The following MYOM2 variants were observed in gnomAD, a reference collection of about 807,000 sequenced individuals.
The protein encoded by MYOM2 is myomesin-2.
A neutral mutation model predicts 187.6 loss-of-function variants in MYOM2; 254 were observed. That is an observed-to-expected ratio of 1.35 (90% CI 1.22 to 1.50). MYOM2 has a LOEUF of 1.50. Ranked by LOEUF, MYOM2 falls within the 40% of genes most tolerant of loss-of-function variation. MYOM2 has a pLI of 0.00. For synonymous variants in MYOM2, 981 were observed against 753.8 expected, an observed-to-expected ratio of 1.30 and a Z score of -4.94; for missense variants, 2,796 against 1,924.0, an observed-to-expected ratio of 1.45 and a Z score of -8.48.
intron 28 of MYOM2, among the ~76,000 whole-genome samples, chr8:2,120,689 A>ATATATATATTAT: frequency 1.2e-4 from 5 of 42,408 alleles, no homozygotes; most frequent in African/African-American, 3.8e-4. Context: ...ATTATATATA[A>ATATATATATTAT]ATATATAATA....
At chr8:2,143,966 C>G (rs773934695) in intron 36 of MYOM2, among the ~76,000 whole-genome samples, 2 of 152,214 alleles carry the variant, frequency 1.3e-5, no homozygotes, top group Non-Finnish European at 2.9e-5. Context: ...AATTTGTTGC[C>G]TGTCGGGAGA....
intron 32 of MYOM2, among the ~76,000 whole-genome samples, chr8:2,132,037 C>T (rs913308567): frequency 6.6e-6 from 1 of 152,144 alleles, no homozygotes; most frequent in African/African-American, 2.4e-5. Flanking sequence ...ATTAGGTAGT[C>T]ATCATGTATG....
intron 23 of MYOM2, among the ~76,000 whole-genome samples, chr8:2,108,262 TA>T (rs1190941276): frequency 1.3e-5 from 2 of 151,812 alleles, no homozygotes; most frequent in African/African-American, 4.8e-5. Context: ...TTTATTTATT[TA>T]TTTTTTTTGT....
In MYOM2 at chr8:2,145,203, C is replaced by T. The variant is rs1433011330; in HGVS notation, c.*222C>T. ...CAAGACTGAACAACGTGTATTTACA[C>T]GAGGGTAGACGGCAGATGCCTGACA... On this transcript the variant is annotated 3_prime_UTR_variant, in exon 37 of 37. Coordinates refer to ENST00000262113, the MANE Select transcript of MYOM2 (RefSeq NM_003970.4). 12 of 594,448 alleles carry T rather than the reference C, an allele frequency of 2.0e-5. No homozygotes were observed. Among genetic ancestry groups the T allele is most frequent in the African/African-American group, 7.5e-5 (4 of 53,556 alleles). 36.8% of individuals were successfully genotyped at this position (594,448 alleles called of 1,614,324 possible). A position where few individuals can be genotyped will look rare whatever the true frequency, so the allele number is the denominator to read the frequency against.
rs1798390799 is a variant in MYOM2 at position 2,144,612 on chromosome 8, T to C, written c.4081-52T>C. The C allele has an allele frequency of 8.8e-6, 14 of 1,587,776 alleles. No homozygotes were observed. The South Asian group carries it at 1.4e-4, about 16-fold the overall frequency. ...GAGCCCACCGTCCGAGGGGGTGACA[T>C]GACTTTCCTTTTTCTAACTCTTCCT... On this transcript the variant is annotated intron_variant, in intron 36 of 36. Coordinates refer to ENST00000262113, the MANE Select transcript of MYOM2 (RefSeq NM_003970.4).
intron 21 of MYOM2, 144 bp from the exon 22 acceptor site, chr8:2,106,098 C>T: frequency 1.3e-6 from 1 of 786,072 alleles, no homozygotes; most frequent in South Asian, 1.8e-5. Flanking sequence ...GATCCAATCA[C>T]CTCACTCCCT....
At chr8:2,054,689 G>C (rs939124739) in intron 3 of MYOM2, among the ~76,000 whole-genome samples, 1 of 152,218 alleles carries the variant, frequency 6.6e-6, no homozygotes, top group Non-Finnish European at 1.5e-5. Context: ...AAAGTAAACG[G>C]TGTCAAGAGA....
At position 2,129,601 on chromosome 8, in the gene MYOM2, C is replaced by T. The variant is rs968774753; in HGVS notation, c.3800+369C>T. Among the ~76,000 whole-genome samples, 9 of 151,854 alleles carry T rather than the reference C, an allele frequency of 5.9e-5. 1 individual carries two copies. In the South Asian group the frequency reaches 8.3e-4, roughly 14 times the overall value. On this transcript the variant is annotated intron_variant, in intron 32 of 36. Coordinates refer to ENST00000262113, the MANE Select transcript of MYOM2 (RefSeq NM_003970.4). ...CCAAATTTCCAGTCAGTTGGTTTCC[C>T]GCTAGACTTGATTAAAAGTACCAAA...
rs780684749 is a variant in MYOM2, at chr8:2,057,622, G to T, written c.403-1G>T. 6.2e-7 allele frequency: 1 copy of T among 1,614,102 alleles called. No individual in the cohort carries two copies. Among genetic ancestry groups the T allele is most frequent in the South Asian group, 1.1e-5 (1 of 91,056 alleles). ...CTGACCATCCTTGCTTCTCGGGGCA[G>T]ATGGAGGACAAGCTGGCCTGGGAGA... On this transcript the variant is annotated splice_acceptor_variant, in intron 4 of 36. Coordinates refer to ENST00000262113, the MANE Select transcript of MYOM2 (RefSeq NM_003970.4). LOFTEE classifies it high-confidence loss of function.
intron 32 of MYOM2, among the ~76,000 whole-genome samples, chr8:2,136,166 G>T (rs1269238933): frequency 1.3e-5 from 2 of 152,230 alleles, no homozygotes; most frequent in African/African-American, 2.4e-5. Context: ...GCCAACATGG[G>T]CAGCTCGAGG....
rs371210667 is a variant in MYOM2 at position 2,050,833 on chromosome 8, A to G, written c.67A>G (p.Ile23Val). The G allele has an allele frequency of 2.7e-5, 44 of 1,613,026 alleles. No homozygotes were observed. The highest frequency in any genetic ancestry group is 4.5e-5 in the East Asian group (2 of 44,840). The change falls in exon 2 of 37, where the codon ATT becomes GTT. Residue 23 changes from isoleucine (I) to valine (V), a missense_variant. Physicochemically the swap from Ile to Val is conservative, Grantham distance 29. Coordinates refer to ENST00000262113, the MANE Select transcript of MYOM2 (RefSeq NM_003970.4). ...GCACTTCGACCAGTCCTACCGTAAT[A>G]TTCAAACACGGTACCTGCTGGACGA... Reference protein sequence around the residue: ...HRHFDQSYRNIQTRYLLDEYA... With the variant: ...HRHFDQSYRNVQTRYLLDEYA...
intron 2 of MYOM2, among the ~76,000 whole-genome samples, chr8:2,051,114 A>C (rs1371116444): frequency 6.6e-6 from 1 of 152,150 alleles, no homozygotes; most frequent in Non-Finnish European, 1.5e-5. Context: ...GGAGGCAGGA[A>C]GTCCTTTGTA....
intron 20 of MYOM2, chr8:2,101,925 G>A (rs149444374): frequency 1.3e-5 from 2 of 152,208 alleles, no homozygotes; most frequent in Non-Finnish European, 2.9e-5. Flanking sequence ...TCAGTGACTG[G>A]GTCAGGTGTA....
At chr8:2,073,222 C>A in intron 9 of MYOM2, 117 bp from the exon 10 acceptor site, 2 of 1,130,352 alleles carry the variant, frequency 1.8e-6, no homozygotes, top group Non-Finnish European at 1.3e-6. Flanking sequence ...CTCTGCCTTC[C>A]GTGGTGTCCA....
chr8:2,089,951 C>A, intron 14 of MYOM2, 57 bp from the exon 15 acceptor site: 4 of 1,543,546 alleles, frequency 2.6e-6, no homozygotes, highest in East Asian at 2.3e-5. Flanking sequence ...CTCCTCCACA[C>A]GCCTCTGGGG....
chr8:2,094,039 GA>G lies in MYOM2; in HGVS notation c.2074del (p.Met692Ter), dbSNP rs1796397769. On this transcript the variant is annotated frameshift_variant, in exon 17 of 37. Transcript: ENST00000262113. LOFTEE classifies it high-confidence loss of function. ...GAGTCAAGGCGGTCAATGCTGTGGG[GA>G]TGAGTGAAAATTCCCAGGAATCAGA... Reference protein sequence around the residue: ...FRVKAVNAVGMSENSQESDVI... With the variant: ...FRVKAVNAVGXSENSQESDVI... 1.9e-6 allele frequency: 3 copies of G among 1,614,030 alleles called. No individual in the cohort carries two copies. The African/African-American group carries it at 4.0e-5, about 22-fold the overall frequency.
At chr8:2,073,209 A>T in intron 9 of MYOM2, 130 bp from the exon 10 acceptor site, 2 of 988,486 alleles carry the variant, frequency 2.0e-6, no homozygotes, top group Admixed American at 2.5e-5. Flanking sequence ...TACCAGGCTG[A>T]GGCTCTGCCT....
At chr8:2,063,048 T>A (rs983415929) in intron 6 of MYOM2, among the ~76,000 whole-genome samples, 4 of 152,190 alleles carry the variant, frequency 2.6e-5, no homozygotes. Flanking sequence ...TTTGCTTGCA[T>A]ATGCAAATAT....
At chr8:2,107,293 G>A (rs1037117716) in intron 23 of MYOM2, among the ~76,000 whole-genome samples, 10 of 152,254 alleles carry the variant, frequency 6.6e-5, no homozygotes, top group Non-Finnish European at 1.2e-4. Context: ...GCGTGAACTC[G>A]TAGGGCTGGA....
Sources: gnomAD v4.1 joint callset for allele counts (sites outside exome capture counted in the v4.1 genomes callset) on GRCh38, gnomAD v4.1.1 for gene constraint, MANE v1.5 for transcripts, NCBI Gene and HGNC (gene_info 2026-07-23, HGNC 2026-07-21) for gene names.